Variants in ARHGEF38 observed in about 807,000 individuals in gnomAD.
The protein encoded by ARHGEF38 is Rho guanine nucleotide exchange factor (GEF) 38.
A neutral mutation model predicts 79.9 loss-of-function variants in ARHGEF38; 79 were observed. The ratio of observed to expected loss-of-function variants is 0.99; its 90% CI spans 0.82 to 1.19. The LOEUF is 1.19. Ranked by LOEUF, ARHGEF38 falls within the 50% of genes most tolerant of loss-of-function variation. The pLI, the probability that ARHGEF38 is intolerant of heterozygous loss-of-function variation, is 0.00. For missense variants in ARHGEF38, 962 were observed against 907.2 expected (o/e 1.06, Z -0.78); for synonymous variants, 366 against 328.3 (o/e 1.11, Z -1.24).
chr4:105,556,330 C>G (rs1725249258), intron 1 of ARHGEF38, among the ~76,000 whole-genome samples: 1 of 152,046 alleles, frequency 6.6e-6, no homozygotes, highest in Non-Finnish European at 1.5e-5. Flanking sequence ...GACCTTTACT[C>G]CAAAGAGGCT....
chr4:105,673,740 G>T lies in ARHGEF38; in HGVS notation c.2149-4012G>T, dbSNP rs892361537. On this transcript the variant is annotated intron_variant, in intron 13 of 13. Transcript: ENST00000420470. ...GAGAGGAAGATGGGAGGAAGGAAAA[G>T]AAGATACTAATAGCAGTTGGGTGGG... Among the ~76,000 whole-genome samples, 12 of 152,224 alleles carry T rather than the reference G, an allele frequency of 7.9e-5. No individual in the cohort carries two copies. In the South Asian group the frequency reaches 2.5e-3, roughly 32 times the overall value.
At chr4:105,588,308 T>A (rs939042722) in intron 1 of ARHGEF38, among the ~76,000 whole-genome samples, 4 of 152,236 alleles carry the variant, frequency 2.6e-5, no homozygotes, top group Non-Finnish European at 4.4e-5. Flanking sequence ...TAACTTTAAA[T>A]GAAATATAAT....
intron 5 of ARHGEF38, among the ~76,000 whole-genome samples, chr4:105,642,009 A>G (rs17036049): frequency 0.32 from 49,327 of 151,972 alleles, 10,985 homozygotes; most frequent in African/African-American, 0.63. Flanking sequence ...GGCCCAATAT[A>G]TATGAGCAAT....
intron 4 of ARHGEF38, chr4:105,631,452 T>C: frequency 3.2e-5 from 32 of 986,180 alleles, no homozygotes; most frequent in Non-Finnish European, 3.9e-5. Flanking sequence ...CAACTCTGCA[T>C]GGCCGTCTTC....
intron 7 of ARHGEF38, 65 bp from the exon 8 acceptor site, chr4:105,654,000 T>C: frequency 4.5e-6 from 4 of 897,270 alleles, no homozygotes; most frequent in Admixed American, 2.6e-5. Context: ...ACCAATATGG[T>C]CTGTGCTATT....
intron 13 of ARHGEF38, among the ~76,000 whole-genome samples, chr4:105,675,442 A>C (rs1480144855): frequency 6.6e-6 from 1 of 152,226 alleles, no homozygotes; most frequent in Non-Finnish European, 1.5e-5. Flanking sequence ...TACTTAAAAA[A>C]ATTATGTAAT....
intron 10 of ARHGEF38, among the ~76,000 whole-genome samples, chr4:105,660,063 G>A (rs1462358802): frequency 2.0e-5 from 3 of 152,034 alleles, no homozygotes; most frequent in African/African-American, 7.2e-5. Context: ...AACACCTGGA[G>A]CAGAAATAAT....
In ARHGEF38 at chr4:105,584,497, T is replaced by C. The variant is rs187631545; in HGVS notation, c.197-4751T>C. Among the ~76,000 whole-genome samples, 421 of 152,256 alleles carry C rather than the reference T, an allele frequency of 2.8e-3. 2 individuals are homozygous for C. Among genetic ancestry groups the C allele is most frequent in the Middle Eastern group, 0.014 (4 of 294 alleles). On this transcript the variant is annotated intron_variant, in intron 1 of 13. Coordinates refer to ENST00000420470, the MANE Select transcript of ARHGEF38 (RefSeq NM_001242729.2). The stretch of plus-strand genomic sequence containing the variant: ...TATCCTTAACTTACAGATGAGAAAA[T>C]TGATACAGGAAGAGCTAAGTAACTT...
At chr4:105,620,353 C>T (rs545191175) in intron 3 of ARHGEF38, among the ~76,000 whole-genome samples, 2 of 152,270 alleles carry the variant, frequency 1.3e-5, no homozygotes, top group African/African-American at 4.8e-5. Flanking sequence ...CCTAATTGAA[C>T]TTCAGTTTCT....
At chr4:105,579,917 T>C (rs1726699381) in intron 1 of ARHGEF38, among the ~76,000 whole-genome samples, 1 of 152,214 alleles carries the variant, frequency 6.6e-6, no homozygotes, top group African/African-American at 2.4e-5. Flanking sequence ...GAGCTCATTA[T>C]TGGTCTGTTC....
intron 2 of ARHGEF38, among the ~76,000 whole-genome samples, chr4:105,604,600 A>T (rs1365420789): frequency 6.6e-6 from 1 of 152,168 alleles, no homozygotes; most frequent in Non-Finnish European, 1.5e-5. Context: ...CTGGAAAAAA[A>T]TGGGTGTTAA....
At chr4:105,613,294 C>G (rs1474183546) in intron 2 of ARHGEF38, 90 bp from the exon 3 acceptor site, 2 of 1,410,390 alleles carry the variant, frequency 1.4e-6, no homozygotes, top group South Asian at 3.3e-5. Context: ...AGACAGCATG[C>G]GCTGGCATTT....
At chr4:105,584,619 ATC>A (rs1468842411) in intron 1 of ARHGEF38, among the ~76,000 whole-genome samples, 2 of 152,114 alleles carry the variant, frequency 1.3e-5, no homozygotes, top group Non-Finnish European at 2.9e-5. Flanking sequence ...CTATATCTAC[ATC>A]TCTCTCTCTA....
intron 3 of ARHGEF38, among the ~76,000 whole-genome samples, chr4:105,616,568 A>G (rs1440372372): frequency 6.6e-6 from 1 of 152,130 alleles, no homozygotes; most frequent in Admixed American, 6.5e-5. Flanking sequence ...CCATGATTCA[A>G]TCACCTCCCA....
Position 105,659,330 on chromosome 4 carries a change from C to T in ARHGEF38, c.1510C>T (p.Leu504Phe), listed in dbSNP as rs1417334544. The T allele has an allele frequency of 1.1e-5, 17 of 1,535,588 alleles. No individual in the cohort carries two copies. Among genetic ancestry groups the T allele is most frequent in the Admixed American group, 7.8e-5 (4 of 50,990 alleles). ...SFITLLRDLM[L>F]VAQQAYSTLV... ...CATTACCCTCCTTAGGGACCTGATG[C>T]TCGTGGCACAGCAGGCTTACTCCAC... is the stretch of plus-strand genomic sequence containing the variant. The change falls in exon 10 of 14, where the codon CTC becomes TTC. Residue 504 changes from leucine (L) to phenylalanine (F), a missense_variant. By Grantham distance (22) the Leu-to-Phe change is conservative (BLOSUM62 0). Transcript: ENST00000420470.
intron 2 of ARHGEF38, among the ~76,000 whole-genome samples, chr4:105,596,218 G>A (rs893192683): frequency 1.2e-4 from 18 of 152,106 alleles, no homozygotes; most frequent in Admixed American, 2.0e-4. Context: ...TCTCCCTCAG[G>A]GTCCAAAGTG....
intron 2 of ARHGEF38, among the ~76,000 whole-genome samples, chr4:105,599,294 A>G (rs1390483323): frequency 6.6e-6 from 1 of 152,208 alleles, no homozygotes; most frequent in Non-Finnish European, 1.5e-5. Flanking sequence ...GGACAGCTTC[A>G]GTGCTCTCTA....
intron 13 of ARHGEF38, among the ~76,000 whole-genome samples, chr4:105,672,896 T>C (rs560856748): frequency 6.6e-6 from 1 of 152,346 alleles, no homozygotes; most frequent in South Asian, 2.1e-4. Context: ...ATCCTTGCCA[T>C]GTGGCTGTCT....
chr4:105,579,266 T>A (rs1045667241), intron 1 of ARHGEF38, among the ~76,000 whole-genome samples: 1 of 152,206 alleles, frequency 6.6e-6, no homozygotes, highest in African/African-American at 2.4e-5. Flanking sequence ...TCCAATACTA[T>A]GATGAGTTAG....
Sources: gnomAD v4.1 joint callset for allele counts (sites outside exome capture counted in the v4.1 genomes callset) on GRCh38, gnomAD v4.1.1 for gene constraint, MANE v1.5 for transcripts, NCBI Gene and HGNC (gene_info 2026-07-23, HGNC 2026-07-21) for gene names.